FBXL4: variants seen among roughly 807,000 people sequenced by gnomAD.
The protein encoded by FBXL4 is F-box/LRR-repeat protein 4.
In FBXL4, 40 loss-of-function variants were observed where a neutral mutation model predicts 58.9. That is an observed-to-expected ratio of 0.68 (90% CI 0.53 to 0.88). FBXL4 has a LOEUF of 0.88. Ranked by LOEUF, FBXL4 falls within the 40% of genes least tolerant of loss-of-function variation. The pLI is 0.00. For synonymous variants in FBXL4, 263 were observed against 265.5 expected (o/e 0.99, Z 0.09); for missense variants, 676 against 734.4 (o/e 0.92, Z 0.92).
At chr6:98,939,075 C>CAA (rs3068704) in intron 1 of FBXL4, among the ~76,000 whole-genome samples, 1,259 of 25,192 alleles carry the variant, frequency 0.05, 226 homozygotes, top group East Asian at 0.46. Context: ...GACCTTGTCT[C>CAA]AAAAAAAAAA....
chr6:98,883,348 TA>T (rs1465055500), intron 7 of FBXL4, among the ~76,000 whole-genome samples: 7 of 152,156 alleles, frequency 4.6e-5, no homozygotes, highest in African/African-American at 1.7e-4. Context: ...ATATCAGCTA[TA>T]AATACCTTCT....
chr6:98,917,291 C>T (rs999207241), intron 5 of FBXL4, 83 bp downstream of exon 5: 8 of 940,006 alleles, frequency 8.5e-6, no homozygotes, highest in East Asian at 2.6e-5. Flanking sequence ...GCTCAATTAC[C>T]GATGCTCAGT....
rs953570187 is a variant in FBXL4 at position 98,872,921 on chromosome 6, T to C, written c.*1357A>G. On this transcript the variant is annotated 3_prime_UTR_variant, in exon 10 of 10. Coordinates refer to ENST00000369244, the MANE Select transcript of FBXL4 (RefSeq NM_001278716.2). ...TTATCTTACAGGGTTGTTGTGAGAA[T>C]TGAATTAGTCAATGCAAAGCACAAG... is the stretch of plus-strand genomic sequence containing the variant. 3 of 152,172 alleles carry C rather than the reference T, an allele frequency of 2.0e-5. No individual in the cohort carries two copies. Among genetic ancestry groups the C allele is most frequent in the African/African-American group, 7.2e-5 (3 of 41,430 alleles). The allele number at this position is 152,172 out of a possible 1,614,324, so 9.4% of individuals were successfully genotyped here.
intron 5 of FBXL4, among the ~76,000 whole-genome samples, chr6:98,908,056 C>A (rs1388164173): frequency 6.6e-6 from 1 of 152,108 alleles, no homozygotes; most frequent in African/African-American, 2.4e-5. Context: ...TTTTCTTTAA[C>A]AAATCTCATC....
In FBXL4 at chr6:98,926,875, T is replaced by G. The variant is rs545383245; in HGVS notation, c.114A>C (p.Ile38=). 1 of 1,614,106 alleles carries G rather than the reference T, an allele frequency of 6.2e-7. No individual in the cohort carries two copies. The highest frequency in any genetic ancestry group is 2.2e-5 in the East Asian group (1 of 44,900). ...RGEMMNTHRA[I]ESNSQTSPLN... ...GAGGGGAAGTCTGGCTGTTTGATTCTATAGCTCTATGGGTGTTCATCATTT... is the reference window on the plus strand; with the variant it reads ...GAGGGGAAGTCTGGCTGTTTGATTCGATAGCTCTATGGGTGTTCATCATTT... Residue 38 remains isoleucine (I), a synonymous_variant, in exon 4 of 10, where the codon ATA becomes ATC. Coordinates refer to ENST00000369244, the MANE Select transcript of FBXL4 (RefSeq NM_001278716.2).
chr6:98,890,569 A>G (rs1291061318), intron 7 of FBXL4, among the ~76,000 whole-genome samples: 1 of 151,978 alleles, frequency 6.6e-6, no homozygotes, highest in Admixed American at 6.6e-5. Context: ...CTCTAATTAA[A>G]TTTTTTTTGG....
intron 5 of FBXL4, among the ~76,000 whole-genome samples, chr6:98,911,809 G>C (rs925662808): frequency 2.0e-5 from 3 of 152,208 alleles, no homozygotes; most frequent in Non-Finnish European, 1.5e-5. Flanking sequence ...ACCGGCAATG[G>C]AACAAAGCTG....
At chr6:98,937,051 T>C (rs1372815434) in intron 1 of FBXL4, among the ~76,000 whole-genome samples, 1 of 152,354 alleles carries the variant, frequency 6.6e-6, no homozygotes, top group Non-Finnish European at 1.5e-5. Context: ...GGCTCATGCC[T>C]GTAATCCCAG....
intron 7 of FBXL4, chr6:98,896,839 T>C: frequency 3.0e-6 from 3 of 984,784 alleles, no homozygotes; most frequent in Non-Finnish European, 3.6e-6. Flanking sequence ...TAGGTACATA[T>C]GTATAAATTT....
chr6:98,883,523 CT>C (rs796178306), intron 7 of FBXL4, among the ~76,000 whole-genome samples: 2 of 150,992 alleles, frequency 1.3e-5, no homozygotes, highest in African/African-American at 2.4e-5. Flanking sequence ...ATCTAAGATT[CT>C]TTTTTTTTAA....
intron 7 of FBXL4, chr6:98,896,793 T>G (rs1771426182): frequency 1.0e-6 from 1 of 968,126 alleles, no homozygotes; most frequent in Non-Finnish European, 1.2e-6. Flanking sequence ...TGTATTTAAG[T>G]AACTGAGGGA....
At position 98,926,753 on chromosome 6, in the gene FBXL4, G is replaced by C; in HGVS notation, c.236C>G (p.Ala79Gly). The C allele has an allele frequency of 6.2e-7, 1 of 1,614,202 alleles. No homozygotes were observed. Among genetic ancestry groups the C allele is most frequent in the Non-Finnish European group, 8.5e-7 (1 of 1,180,036 alleles). ...NSMSYTMWNL[A>G]GVPNVFPSSG... ...ACTTGGGAATACATTTGGTACACCA[G>C]CCAAATTCCACATAGTATAGGACAT... The change falls in exon 4 of 10, where the codon GCT becomes GGT. Residue 79 changes from alanine (A) to glycine (G), a missense_variant. Coordinates refer to ENST00000369244, the MANE Select transcript of FBXL4 (RefSeq NM_001278716.2).
At position 98,884,034 on chromosome 6, in the gene FBXL4, T is replaced by A. The variant is rs73503682; in HGVS notation, c.1318-3410A>T. ...ATTTCTGTGTCATAATTTTTTTTTA[T>A]ATCTGATACTTCCTTACAGAATTTG... On this transcript the variant is annotated intron_variant, in intron 7 of 9. Coordinates refer to ENST00000369244, the MANE Select transcript of FBXL4 (RefSeq NM_001278716.2). 2.6e-3 allele frequency among the ~76,000 whole-genome samples: 399 copies of A among 152,140 alleles called. 3 individuals carry two copies. The highest frequency in any genetic ancestry group is 9.2e-3 in the African/African-American group (382 of 41,538).
At chr6:98,921,665 G>T (rs1303566673) in intron 4 of FBXL4, among the ~76,000 whole-genome samples, 2 of 151,976 alleles carry the variant, frequency 1.3e-5, no homozygotes, top group East Asian at 3.9e-4. Context: ...ACATGACCAA[G>T]GTCCAGGTCA....
chr6:98,916,830 TA>T lies in FBXL4; in HGVS notation c.858+543del, dbSNP rs11419555. 2.2e-3 allele frequency among the ~76,000 whole-genome samples: 289 copies of T among 129,524 alleles called. 1 individual carries two copies. The highest frequency in any genetic ancestry group is 4.2e-3 in the Middle Eastern group (1 of 238). 85.0% of individuals were successfully genotyped at this position (129,524 alleles called of 152,430 possible). A position where few individuals can be genotyped will look rare whatever the true frequency, so the allele number is the denominator to read the frequency against. The stretch of plus-strand genomic sequence containing the variant: ...ACTTAAAGTATAATTAAAAAAAAAC[TA>T]AAAAAAAAAAAAAGTATTAATAATT... On this transcript the variant is annotated intron_variant, in intron 5 of 9. Coordinates refer to ENST00000369244, the MANE Select transcript of FBXL4 (RefSeq NM_001278716.2).
Position 98,916,495 on chromosome 6 carries a change from T to G in FBXL4, c.858+879A>C, listed in dbSNP as rs576381135. 1.7e-3 allele frequency among the ~76,000 whole-genome samples: 250 copies of G among 151,192 alleles called. 2 individuals are homozygous for G. Among genetic ancestry groups the G allele is most frequent in the African/African-American group, 5.5e-3 (226 of 40,996 alleles). ...TGGAATACTATGCAGCCATAAAAAA[T>G]GATGAGTTCATGTCCTTTGTAGGGA... On this transcript the variant is annotated intron_variant, in intron 5 of 9. Coordinates refer to ENST00000369244, the MANE Select transcript of FBXL4 (RefSeq NM_001278716.2).
chr6:98,936,384 A>G (rs1773217159), intron 1 of FBXL4, among the ~76,000 whole-genome samples: 1 of 152,186 alleles, frequency 6.6e-6, no homozygotes, highest in Non-Finnish European at 1.5e-5. Flanking sequence ...TTATTCCAGA[A>G]TTATATGAAA....
intron 5 of FBXL4, among the ~76,000 whole-genome samples, chr6:98,908,775 C>T (rs899553942): frequency 2.0e-5 from 3 of 151,578 alleles, no homozygotes; most frequent in East Asian, 1.9e-4. Context: ...GGGGAGTTGT[C>T]GATACATTTC....
intron 7 of FBXL4, among the ~76,000 whole-genome samples, chr6:98,882,256 CT>C (rs1770880457): frequency 6.6e-6 from 1 of 151,890 alleles, no homozygotes; most frequent in African/African-American, 2.4e-5. Flanking sequence ...CTTTGCTTAT[CT>C]GGCTACATTG....
Sources: gnomAD v4.1 joint callset for allele counts (sites outside exome capture counted in the v4.1 genomes callset) on GRCh38, gnomAD v4.1.1 for gene constraint, MANE v1.5 for transcripts, NCBI Gene and HGNC (gene_info 2026-07-23, HGNC 2026-07-21) for gene names.